The following SORT1 variants were observed in gnomAD, a reference collection of about 807,000 sequenced individuals.
SORT1 encodes sortilin.
A neutral mutation model predicts 101.7 loss-of-function variants in SORT1; 39 were observed. The observed-to-expected ratio is 0.38, with a 90% CI of 0.30 to 0.50. The LOEUF (loss-of-function observed/expected upper bound fraction) is 0.50, where lower values mean the gene tolerates loss of function less well. Among genes scored for constraint, SORT1 ranks in the 20% least tolerant of loss-of-function variants. The pLI is 0.90. For missense variants in SORT1, 878 were observed against 1,040.4 expected, an observed-to-expected ratio of 0.84 and a Z score of 2.15; for synonymous variants, 396 against 393.7, an observed-to-expected ratio of 1.01 and a Z score of -0.07.
intron 1 of SORT1, among the ~76,000 whole-genome samples, chr1:109,389,517 A>G (rs906801980): frequency 6.6e-6 from 1 of 152,218 alleles, no homozygotes; most frequent in Admixed American, 6.5e-5. Flanking sequence ...CAAGTCAGCC[A>G]GCCGCATCAG....
intron 3 of SORT1, among the ~76,000 whole-genome samples, chr1:109,363,338 GACAA>G (rs1366077415): frequency 6.6e-6 from 1 of 152,074 alleles, no homozygotes; most frequent in Non-Finnish European, 1.5e-5. Context: ...GCAAGTGAGA[GACAA>G]ACATACTCTA....
At chr1:109,364,396 G>A (rs1650943962) in intron 3 of SORT1, among the ~76,000 whole-genome samples, 1 of 152,182 alleles carries the variant, frequency 6.6e-6, no homozygotes, top group Non-Finnish European at 1.5e-5. Context: ...ACATCCATCA[G>A]AGTGGAGGTT....
At chr1:109,343,414 A>G (rs563320577) in intron 8 of SORT1, among the ~76,000 whole-genome samples, 23 of 152,138 alleles carry the variant, frequency 1.5e-4, no homozygotes, top group African/African-American at 5.5e-4. Flanking sequence ...TTCCTCCCGG[A>G]TCCCTCCCTC....
At chr1:109,355,310 G>A (rs1570942740) in intron 4 of SORT1, 57 bp downstream of exon 4, 1 of 855,012 alleles carries the variant, frequency 1.2e-6, no homozygotes, top group East Asian at 2.4e-5. Context: ...ACTAATATCT[G>A]ACAGCTCTGC....
chr1:109,387,975 G>T (rs920319580), intron 1 of SORT1, among the ~76,000 whole-genome samples: 1 of 152,046 alleles, frequency 6.6e-6, no homozygotes, highest in Non-Finnish European at 1.5e-5. Flanking sequence ...AGAAAGAAAG[G>T]CATTTTGAAT....
Position 109,312,800 on chromosome 1 carries a change from T to A in SORT1, c.*1243A>T, listed in dbSNP as rs972523069. 1 of 152,232 alleles carries A rather than the reference T, an allele frequency of 6.6e-6. No homozygotes were observed. The highest frequency in any genetic ancestry group is 1.5e-5 in the Non-Finnish European group (1 of 68,054). The allele number at this position is 152,232 out of a possible 1,614,324, so 9.4% of individuals were successfully genotyped here. On this transcript the variant is annotated 3_prime_UTR_variant, in exon 20 of 20. Transcript: ENST00000256637. ...TTAGAGAGGTATCAAATGGAAAACT[T>A]CTTTTAATCCAAAATAAGAACTTAA...
intron 1 of SORT1, chr1:109,392,635 G>A: frequency 2.0e-6 from 2 of 985,116 alleles, no homozygotes; most frequent in Non-Finnish European, 2.4e-6. Context: ...TGTCATACCT[G>A]GCTAGCTTTC....
chr1:109,343,815 AT>A (rs1174835190), intron 8 of SORT1, among the ~76,000 whole-genome samples: 1 of 152,042 alleles, frequency 6.6e-6, no homozygotes, highest in African/African-American at 2.4e-5. Context: ...CGCTTGGCTA[AT>A]TTTTTGTATC....
At position 109,373,974 on chromosome 1, in the gene SORT1, C is replaced by T. The variant is rs140746360; in HGVS notation, c.307-4385G>A. Among the ~76,000 whole-genome samples, 62 of 152,092 alleles carry T rather than the reference C, an allele frequency of 4.1e-4. No individual in the cohort carries two copies. The East Asian group carries it at 9.1e-3, about 22-fold the overall frequency. On this transcript the variant is annotated intron_variant, in intron 1 of 19. Transcript: ENST00000256637. ...CATGGTGGCACATGCTTGTAGCCCT[C>T]GCTACTTGGGAGGCTGAGGCAGGAG...
chr1:109,314,337 T>C lies in SORT1; in HGVS notation c.2405A>G (p.Asn802Ser), dbSNP rs1367464274. ...CAAAGCATCCACACCATCCACACCA[T>C]TGGCCTCTGCATGCTGCTGCAGCAC... is the stretch of plus-strand genomic sequence containing the variant. ...YSVLQQHAEA[N>S]GVDGVDALDT... Residue 802 changes from asparagine to serine, a missense_variant, in exon 19 of 20, where the codon AAT becomes AGT. By Grantham distance (46) the Asn-to-Ser change is conservative. Coordinates refer to ENST00000256637, the MANE Select transcript of SORT1 (RefSeq NM_002959.7). 5.6e-6 allele frequency: 9 copies of C among 1,613,872 alleles called. No individual in the cohort carries two copies. Among genetic ancestry groups the C allele is most frequent in the Middle Eastern group, 1.6e-4 (1 of 6,076 alleles).
rs565176290 is a variant in SORT1, at chr1:109,322,380, C to T, written c.2024+552G>A. ...CTCCTCTCCTTCACACCACTGTCAA[C>T]TCAGGATTTCTCGGGTTTGTTGCTG... is the stretch of plus-strand genomic sequence containing the variant. On this transcript the variant is annotated intron_variant, in intron 15 of 19. Transcript: ENST00000256637. Among the ~76,000 whole-genome samples the T allele has an allele frequency of 7.9e-5, 12 of 152,292 alleles. No individual in the cohort carries two copies. In the South Asian group the frequency reaches 1.9e-3, roughly 24 times the overall value.
At chr1:109,340,635 A>G in intron 10 of SORT1, 89 bp downstream of exon 10, 1 of 1,350,472 alleles carries the variant, frequency 7.4e-7, no homozygotes. Flanking sequence ...CTTGGCAAGC[A>G]ACATTACTAG....
chr1:109,351,471 CAG>C, intron 5 of SORT1, among the ~76,000 whole-genome samples: 1 of 152,266 alleles, frequency 6.6e-6, no homozygotes, highest in East Asian at 1.9e-4. Flanking sequence ...AGAAGGCAAA[CAG>C]GGAGATGAGG....
chr1:109,329,258 A>G (rs2101556924), intron 11 of SORT1, among the ~76,000 whole-genome samples: 1 of 152,210 alleles, frequency 6.6e-6, no homozygotes, highest in South Asian at 2.1e-4. Flanking sequence ...GGCTATATTT[A>G]TTTATTTATT....
intron 16 of SORT1, 79 bp downstream of exon 16, chr1:109,317,774 C>T (rs1332770279): frequency 1.0e-6 from 1 of 967,692 alleles, no homozygotes; most frequent in Non-Finnish European, 1.6e-6. Flanking sequence ...GGGCTTGGAT[C>T]TCAGTGTGGA....
At position 109,313,971 on chromosome 1, in the gene SORT1, A is replaced by G. The variant is rs1009995500; in HGVS notation, c.*72T>C. The G allele has an allele frequency of 5.5e-6, 8 of 1,465,472 alleles. No individual in the cohort carries two copies. Among genetic ancestry groups the G allele is most frequent in the Non-Finnish European group, 7.6e-6 (8 of 1,052,254 alleles). The allele number at this position is 1,465,472 out of a possible 1,614,324, so 90.8% of individuals were successfully genotyped here. A position where few individuals can be genotyped will look rare whatever the true frequency, so the allele number is the denominator to read the frequency against. On this transcript the variant is annotated 3_prime_UTR_variant, in exon 20 of 20. Coordinates refer to ENST00000256637, the MANE Select transcript of SORT1 (RefSeq NM_002959.7). ...TCGCAATGGGAAATTTATTTCCTGA[A>G]GTTGGAGCCACAGGGAGTGTAAGAG... is the stretch of plus-strand genomic sequence containing the variant.
chr1:109,356,379 T>C (rs1650326256), intron 3 of SORT1, among the ~76,000 whole-genome samples: 1 of 152,216 alleles, frequency 6.6e-6, no homozygotes, highest in Admixed American at 6.5e-5. Context: ...GCTATCGTCA[T>C]TCTGTCACAA....
At chr1:109,332,658 T>A (rs1054396977) in intron 11 of SORT1, among the ~76,000 whole-genome samples, 12 of 152,208 alleles carry the variant, frequency 7.9e-5, no homozygotes, top group Non-Finnish European at 1.6e-4. Flanking sequence ...ATAACCAAAG[T>A]AATTGCAAGC....
chr1:109,353,581 G>C (rs1023671563), intron 5 of SORT1, among the ~76,000 whole-genome samples: 1 of 151,994 alleles, frequency 6.6e-6, no homozygotes, highest in African/African-American at 2.4e-5. Context: ...GGCTCAGCTG[G>C]GGAGCCTGCT....
Sources: gnomAD v4.1 joint callset for allele counts (sites outside exome capture counted in the v4.1 genomes callset) on GRCh38, gnomAD v4.1.1 for gene constraint, MANE v1.5 for transcripts, NCBI Gene and HGNC (gene_info 2026-07-23, HGNC 2026-07-21) for gene names.